Variants in SLC24A2 observed in about 807,000 individuals in gnomAD.
SLC24A2 encodes sodium/potassium/calcium exchanger 2.
A neutral mutation model predicts 62.0 loss-of-function variants in SLC24A2; 36 were observed. That is an observed-to-expected ratio of 0.58 (90% CI 0.44 to 0.77). The LOEUF (loss-of-function observed/expected upper bound fraction) is 0.77, where lower values mean the gene tolerates loss of function less well. Among genes scored for constraint, SLC24A2 ranks in the 30% least tolerant of loss-of-function variants. SLC24A2 has a pLI of 0.00. For missense variants in SLC24A2, 846 were observed against 817.9 expected (o/e 1.03, Z -0.42); for synonymous variants, 358 against 294.0 (o/e 1.22, Z -2.23).
the SLC24A2 span, among the ~76,000 whole-genome samples, chr9:20,137,654 C>G: frequency 6.6e-6 from 1 of 152,082 alleles, no homozygotes; most frequent in African/African-American, 2.4e-5. Flanking sequence ...AATCCAGGAC[C>G]TTTTTATTTA....
chr9:19,579,749 G>C (rs1836147281), intron 5 of SLC24A2, among the ~76,000 whole-genome samples: 1 of 152,140 alleles, frequency 6.6e-6, no homozygotes. Context: ...GAAAATATTG[G>C]ATAGAAACAA....
chr9:19,606,586 G>C (rs1192705303), intron 4 of SLC24A2, among the ~76,000 whole-genome samples: 1 of 152,174 alleles, frequency 6.6e-6, no homozygotes, highest in African/African-American at 2.4e-5. Context: ...TCCCAATGGG[G>C]TTACCACTCA....
chr9:20,258,817 TTATC>T, the SLC24A2 span, among the ~76,000 whole-genome samples: 3,772 of 104,738 alleles, frequency 0.036, 100 homozygotes, highest in East Asian at 0.19. Flanking sequence ...TCTATCTACC[TTATC>T]TATCTATCTA....
At chr9:19,604,139 A>G (rs1327060720) in intron 4 of SLC24A2, among the ~76,000 whole-genome samples, 1 of 152,168 alleles carries the variant, frequency 6.6e-6, no homozygotes, top group Non-Finnish European at 1.5e-5. Context: ...GTGCTCTGTT[A>G]ATCTTCCTCA....
chr9:19,725,710 T>C (rs1821150079), intron 2 of SLC24A2, among the ~76,000 whole-genome samples: 1 of 152,188 alleles, frequency 6.6e-6, no homozygotes, highest in African/African-American at 2.4e-5. Context: ...ATGACTGCAA[T>C]TTTTCATGAG....
At chr9:19,574,635 G>C (rs886607785) in intron 6 of SLC24A2, among the ~76,000 whole-genome samples, 2 of 152,152 alleles carry the variant, frequency 1.3e-5, no homozygotes, top group Non-Finnish European at 1.5e-5. Context: ...GTAGCATAGT[G>C]CCTTGTACAG....
chr9:20,231,030 G>T, the SLC24A2 span, among the ~76,000 whole-genome samples: 2 of 152,140 alleles, frequency 1.3e-5, no homozygotes, highest in Admixed American at 6.5e-5. Flanking sequence ...GTTTGTCAAA[G>T]ATCAGATAGT....
At chr9:20,143,760 T>C in the SLC24A2 span, among the ~76,000 whole-genome samples, 1 of 152,218 alleles carries the variant, frequency 6.6e-6, no homozygotes, top group Non-Finnish European at 1.5e-5. Flanking sequence ...AGTAAAATTA[T>C]TTCCAAATTG....
At chr9:20,005,500 G>T in the SLC24A2 span, among the ~76,000 whole-genome samples, 1 of 151,856 alleles carries the variant, frequency 6.6e-6, no homozygotes, top group East Asian at 1.9e-4. Flanking sequence ...ATAAGATTAA[G>T]TATCTTGCTT....
At chr9:20,197,606 A>G in the SLC24A2 span, among the ~76,000 whole-genome samples, 138 of 151,476 alleles carry the variant, frequency 9.1e-4, 1 homozygote, top group African/African-American at 3.1e-3. Context: ...TAATTTTTGT[A>G]TTTTTTAGAG....
chr9:20,258,803 T>TCTATCTAC, the SLC24A2 span, among the ~76,000 whole-genome samples: 1 of 127,682 alleles, frequency 7.8e-6, no homozygotes. Flanking sequence ...TATCTATCTA[T>TCTATCTAC]CTATCTATCT....
chr9:19,836,368 A>G, the SLC24A2 span, among the ~76,000 whole-genome samples: 2 of 152,200 alleles, frequency 1.3e-5, no homozygotes, highest in African/African-American at 4.8e-5. Flanking sequence ...AGAATTAAAC[A>G]GACGCAATAA....
intron 2 of SLC24A2, among the ~76,000 whole-genome samples, chr9:19,728,351 T>C (rs764531021): frequency 6.6e-6 from 1 of 150,980 alleles, no homozygotes; most frequent in African/African-American, 2.4e-5. Context: ...ACTTCACAAA[T>C]GCCAAGCTGA....
the SLC24A2 span, among the ~76,000 whole-genome samples, chr9:20,215,573 A>G: frequency 6.6e-6 from 1 of 152,208 alleles, no homozygotes; most frequent in Non-Finnish European, 1.5e-5. Context: ...TGTGTCTTCC[A>G]GCACTGTCAC....
chr9:20,009,676 A>G, the SLC24A2 span, among the ~76,000 whole-genome samples: 1 of 152,166 alleles, frequency 6.6e-6, no homozygotes, highest in Non-Finnish European at 1.5e-5. Flanking sequence ...GTCCAATGCT[A>G]GTAGTGGAGA....
the SLC24A2 span, among the ~76,000 whole-genome samples, chr9:19,958,337 G>A: frequency 5.9e-5 from 9 of 152,142 alleles, no homozygotes; most frequent in East Asian, 1.9e-4. Flanking sequence ...AGATACTAAC[G>A]AGGAACACCA....
chr9:19,606,570 G>T (rs566769148), intron 4 of SLC24A2, among the ~76,000 whole-genome samples: 17 of 152,326 alleles, frequency 1.1e-4, no homozygotes, highest in African/African-American at 3.8e-4. Flanking sequence ...CTGTAAAGGA[G>T]AACATTCCCA....
chr9:20,198,449 AT>A, the SLC24A2 span, among the ~76,000 whole-genome samples: 3 of 152,088 alleles, frequency 2.0e-5, no homozygotes, highest in African/African-American at 7.2e-5. Context: ...CACAGACTGT[AT>A]TCGCCCTTTA....
chr9:19,566,948 C>T (rs6475355), intron 7 of SLC24A2, among the ~76,000 whole-genome samples: 109,508 of 145,708 alleles, frequency 0.75, 42,090 homozygotes, highest in East Asian at 1. Context: ...CATCACACAC[C>T]GGGGCCTGTT....
Sources: allele counts gnomAD v4.1 joint callset (sites outside exome capture counted in the v4.1 genomes callset), GRCh38; gene constraint gnomAD v4.1.1; transcripts MANE v1.5; gene names NCBI Gene and HGNC (gene_info 2026-07-23, HGNC 2026-07-21).